ALOX5: variants seen among roughly 807,000 people sequenced by gnomAD.
ALOX5 encodes the protein polyunsaturated fatty acid 5-lipoxygenase.
In ALOX5, 64 loss-of-function variants were observed where a neutral mutation model predicts 87.9. The ratio of observed to expected loss-of-function variants is 0.73; its 90% CI spans 0.60 to 0.90. The LOEUF is 0.90. ALOX5 is among the 40% of genes least tolerant of loss of function. The probability of loss-of-function intolerance (pLI) is 0.00; values close to 1 mark genes in which losing one functional copy is unlikely to be tolerated. For missense variants in ALOX5, 822 were observed against 907.5 expected, an observed-to-expected ratio of 0.91 and a Z score of 1.21; for synonymous variants, 388 against 355.1, an observed-to-expected ratio of 1.09 and a Z score of -1.04.
At chr10:45,426,244 C>T (rs1309182985) in intron 6 of ALOX5, among the ~76,000 whole-genome samples, 5 of 152,242 alleles carry the variant, frequency 3.3e-5, no homozygotes, top group Admixed American at 3.3e-4. Flanking sequence ...AGACTCTGAG[C>T]AGCCATCTCT....
intron 2 of ALOX5, among the ~76,000 whole-genome samples, chr10:45,392,470 A>G (rs4071544): frequency 0.69 from 103,532 of 149,480 alleles, 36,536 homozygotes; most frequent in East Asian, 0.86. Context: ...GATTAAGGGC[A>G]GTGCAAGATG....
chr10:45,445,481 T>C (rs1226430249), intron 13 of ALOX5, 27 bp from the exon 14 acceptor site: 2 of 1,606,588 alleles, frequency 1.2e-6, no homozygotes, highest in East Asian at 2.2e-5. Flanking sequence ...GATTGACCTA[T>C]GTGTGTGTCC....
At chr10:45,428,417 T>G (rs558172544) in intron 6 of ALOX5, 1 of 624,282 alleles carries the variant, frequency 1.6e-6, no homozygotes, top group Non-Finnish European at 2.7e-6. Flanking sequence ...TCCTTCATCT[T>G]ACCCCGAACT....
At position 45,444,187 on chromosome 10, in the gene ALOX5, G is replaced by A. The variant is rs770394121; in HGVS notation, c.1746G>A (p.Val582=). Residue 582 remains valine, a synonymous_variant, in exon 13 of 14, where the codon GTG becomes GTA. Transcript: ENST00000374391. ...CCCCGCCACCGACTGCCAAGGGCGTGGTGACCATTGAGCAGATCGTGGACA... is the reference window on the plus strand; with the variant it reads ...CCCCGCCACCGACTGCCAAGGGCGTAGTGACCATTGAGCAGATCGTGGACA... ...MRAPPPTAKG[V]VTIEQIVDTL... 6.4e-7 allele frequency: 1 copy of A among 1,557,040 alleles called. No individual in the cohort carries two copies. Among genetic ancestry groups the A allele is most frequent in the South Asian group, 1.2e-5 (1 of 84,474 alleles).
chr10:45,381,938 T>C (rs2132675599), intron 1 of ALOX5, among the ~76,000 whole-genome samples: 1 of 152,384 alleles, frequency 6.6e-6, no homozygotes, highest in Admixed American at 6.5e-5. Flanking sequence ...ACTCCACCTC[T>C]TCCCATTTCA....
intron 4 of ALOX5, among the ~76,000 whole-genome samples, chr10:45,414,194 G>C (rs917970606): frequency 6.6e-6 from 1 of 151,990 alleles, no homozygotes; most frequent in Admixed American, 6.6e-5. Flanking sequence ...ACCATACTAC[G>C]AGGCTACAGT....
intron 2 of ALOX5, among the ~76,000 whole-genome samples, chr10:45,386,773 A>G (rs559160420): frequency 6.6e-6 from 1 of 152,294 alleles, no homozygotes; most frequent in South Asian, 2.1e-4. Context: ...GGCTCCCCCT[A>G]TTCACAGCTC....
intron 7 of ALOX5, among the ~76,000 whole-genome samples, chr10:45,437,706 G>GT (rs1322949069): frequency 6.6e-6 from 1 of 152,070 alleles, no homozygotes; most frequent in Admixed American, 6.5e-5. Flanking sequence ...CTTTTCCTTT[G>GT]TCTTTCCACT....
At position 45,425,040 on chromosome 10, in the gene ALOX5, C is replaced by T. The variant is rs1454834689; in HGVS notation, c.742C>T (p.Arg248Cys). Residue 248 changes from arginine to cysteine, a missense_variant, in exon 6 of 14, where the codon CGC (arginine) becomes TGC (cysteine). Coordinates refer to ENST00000374391, the MANE Select transcript of ALOX5 (RefSeq NM_000698.5). This position sits in a 1 kb window ranked among gnomAD's most constrained non-coding sequence, Gnocchi z 4.4. The part of the protein sequence containing the change: ...LNGCNPVLIR[R>C]CTELPEKLPV... Reference sequence around the variant, plus strand: ...TGGCTGCAACCCTGTGTTGATCCGGCGCTGCACAGAGCTGCCCGAGAAGCT... The same window carrying T: ...TGGCTGCAACCCTGTGTTGATCCGGTGCTGCACAGAGCTGCCCGAGAAGCT... 7 of 1,613,232 alleles carry T rather than the reference C, an allele frequency of 4.3e-6. No individual in the cohort carries two copies. In the East Asian group the frequency reaches 6.7e-5, roughly 15 times the overall value.
At chr10:45,398,412 G>C (rs1840587695) in intron 3 of ALOX5, among the ~76,000 whole-genome samples, 1 of 152,084 alleles carries the variant, frequency 6.6e-6, no homozygotes, top group South Asian at 2.1e-4. Flanking sequence ...GAAAACACAG[G>C]AGTAAACCTT....
intron 1 of ALOX5, among the ~76,000 whole-genome samples, chr10:45,380,806 G>A (rs553150505): frequency 1.3e-5 from 2 of 152,160 alleles, no homozygotes; most frequent in Non-Finnish European, 2.9e-5. Context: ...ACCAGATGTG[G>A]TGGCAGGTGC....
chr10:45,428,475 C>T, intron 6 of ALOX5, 143 bp from the exon 7 acceptor site: 5 of 1,043,244 alleles, frequency 4.8e-6, no homozygotes, highest in Non-Finnish European at 6.9e-6. Flanking sequence ...GCCTTGGAGT[C>T]AGAGGAGAGA....
intron 2 of ALOX5, among the ~76,000 whole-genome samples, chr10:45,388,588 G>A (rs1054733939): frequency 6.6e-6 from 1 of 152,246 alleles, no homozygotes; most frequent in African/African-American, 2.4e-5. Context: ...AGGGTCTGGA[G>A]TGGACCTCTA....
intron 7 of ALOX5, among the ~76,000 whole-genome samples, chr10:45,431,877 TAA>T (rs952740354): frequency 7.5e-4 from 114 of 152,274 alleles, no homozygotes; most frequent in African/African-American, 2.5e-3. Flanking sequence ...CGGCCAACTA[TAA>T]AGTTATTTTA....
At chr10:45,423,969 C>T in intron 4 of ALOX5, 72 bp from the exon 5 acceptor site, 1 of 1,236,890 alleles carries the variant, frequency 8.1e-7, no homozygotes, top group Non-Finnish European at 1.2e-6. Flanking sequence ...CCCCTGAGAG[C>T]TTGGTGTGAA....
intron 10 of ALOX5, 41 bp from the exon 11 acceptor site, chr10:45,443,375 C>T (rs1842308072): frequency 6.3e-7 from 1 of 1,597,062 alleles, no homozygotes; most frequent in Middle Eastern, 1.7e-4. Context: ...GCTCCGCAGA[C>T]CTGGCTGGGT....
intron 6 of ALOX5, chr10:45,428,393 T>A (rs2132817533): frequency 3.5e-6 from 2 of 572,930 alleles, no homozygotes; most frequent in Admixed American, 6.3e-5. Context: ...AAATGCCGAA[T>A]GAGCTGCTGC....
intron 7 of ALOX5, among the ~76,000 whole-genome samples, chr10:45,437,196 T>C (rs1842086388): frequency 6.6e-6 from 1 of 152,132 alleles, no homozygotes; most frequent in Non-Finnish European, 1.5e-5. Context: ...CAATTAAAAA[T>C]ACAAAAATTA....
At chr10:45,407,539 T>A (rs1840928738) in intron 3 of ALOX5, among the ~76,000 whole-genome samples, 1 of 152,104 alleles carries the variant, frequency 6.6e-6, no homozygotes, top group Non-Finnish European at 1.5e-5. Context: ...TTTTGAGGGC[T>A]CCAAATTTAA....
Sources: allele counts gnomAD v4.1 joint callset (sites outside exome capture counted in the v4.1 genomes callset), GRCh38; gene constraint gnomAD v4.1.1; non-coding constraint Gnocchi (gnomAD v3.1); transcripts MANE v1.5; gene names NCBI Gene and HGNC (gene_info 2026-07-23, HGNC 2026-07-21).